The following HCN1 variants were observed in gnomAD, a reference collection of about 807,000 sequenced individuals.
HCN1 encodes the protein potassium/sodium hyperpolarization-activated cyclic nucleotide-gated channel 1.
Under a neutral mutation model 78.9 loss-of-function variants are expected in HCN1, and 13 were observed. The observed-to-expected ratio is 0.16, with a 90% CI of 0.11 to 0.26. The LOEUF is 0.26. Among genes scored for constraint, HCN1 ranks in the 10% least tolerant of loss-of-function variants. The pLI is 1.00. For missense variants in HCN1, 810 were observed against 1,154.3 expected (o/e 0.70, Z 4.32); for synonymous variants, 552 against 455.5 (o/e 1.21, Z -2.70).
intron 2 of HCN1, 65 bp downstream of exon 2, chr5:45,645,120 T>A: frequency 2.4e-6 from 3 of 1,232,178 alleles, no homozygotes; most frequent in South Asian, 2.5e-5. Context: ...CAGTTGTTCA[T>A]TGTAAAACAG....
At chr5:45,659,629 A>C (rs1580027963) in intron 1 of HCN1, among the ~76,000 whole-genome samples, 1 of 145,536 alleles carries the variant, frequency 6.9e-6, no homozygotes. Context: ...GGAGCTGAAA[A>C]CCAAGGCTCG....
In HCN1 at chr5:45,579,643, C is replaced by T. The variant is rs1744018206; in HGVS notation, c.849+65542G>A. On this transcript the variant is annotated intron_variant, in intron 2 of 7. Transcript: ENST00000303230. ...ATTGGGTTTTTAATTGTTAACATTT[C>T]AATCTAAGGTTTAGATATTAGATAC... Among the ~76,000 whole-genome samples, 4 of 152,030 alleles carry T rather than the reference C, an allele frequency of 2.6e-5. No individual in the cohort carries two copies. The South Asian group carries it at 8.3e-4, about 32-fold the overall frequency.
chr5:45,383,567 C>A (rs191251864), intron 4 of HCN1, among the ~76,000 whole-genome samples: 2 of 151,986 alleles, frequency 1.3e-5, no homozygotes, highest in African/African-American at 4.8e-5. Flanking sequence ...TGGTGGCACA[C>A]GCCTGTAGTC....
rs193062085 is a variant in HCN1, at chr5:45,312,701, G to A, written c.1378-8862C>T. Among the ~76,000 whole-genome samples, 8 of 152,282 alleles carry A rather than the reference G, an allele frequency of 5.3e-5. No homozygotes were observed. The East Asian group carries it at 5.8e-4, about 11-fold the overall frequency. On this transcript the variant is annotated intron_variant, in intron 5 of 7. Transcript: ENST00000303230. ...CACTTTTCCAATGGTCTTAGCAAAC[G>A]GCACACCAGGAGATTATATCCCGCA...
chr5:45,585,470 C>A (rs1180428004), intron 2 of HCN1, among the ~76,000 whole-genome samples: 2 of 152,024 alleles, frequency 1.3e-5, no homozygotes, highest in South Asian at 4.1e-4. Flanking sequence ...GCCAAGGGTT[C>A]GAACTTCCTC....
chr5:45,429,482 C>A (rs894308480), intron 3 of HCN1, among the ~76,000 whole-genome samples: 4 of 151,798 alleles, frequency 2.6e-5, no homozygotes, highest in Non-Finnish European at 5.9e-5. Flanking sequence ...GAGAGCTCAT[C>A]TCTTTTGAGA....
Position 45,257,494 on chromosome 5 carries a change from T to A in HCN1, c.*4427A>T, listed in dbSNP as rs1268446576. The A allele has an allele frequency of 1.3e-5, 2 of 152,166 alleles. No individual in the cohort carries two copies. The highest frequency in any genetic ancestry group is 2.9e-5 in the Non-Finnish European group (2 of 68,036). 9.4% of individuals were successfully genotyped at this position (152,166 alleles called of 1,614,324 possible). A position where few individuals can be genotyped will look rare whatever the true frequency, so the allele number is the denominator to read the frequency against. On this transcript the variant is annotated 3_prime_UTR_variant, in exon 8 of 8. Transcript: ENST00000303230. ...GCATTATCTGTAGGTTCTTTTAAGA[T>A]CATCTTTAAATAATTTTCAAGGTGG...
intron 2 of HCN1, among the ~76,000 whole-genome samples, chr5:45,480,871 T>C (rs1741636276): frequency 1.3e-5 from 2 of 152,164 alleles, no homozygotes; most frequent in Non-Finnish European, 2.9e-5. Flanking sequence ...AATTAGAAAG[T>C]GTGTAAATAG....
chr5:45,649,251 T>C lies in HCN1; in HGVS notation c.426-3643A>G, dbSNP rs141436584. ...GTGAGTGTGTGTTTTATTTTTGTTT[T>C]AGTAGACTTTATTTTTAGAGTAGTT... On this transcript the variant is annotated intron_variant, in intron 1 of 7. Coordinates refer to ENST00000303230, the MANE Select transcript of HCN1 (RefSeq NM_021072.4). 2.0e-3 allele frequency among the ~76,000 whole-genome samples: 312 copies of C among 152,196 alleles called. 2 individuals carry two copies. The highest frequency in any genetic ancestry group is 7.2e-3 in the African/African-American group (299 of 41,548).
At chr5:45,423,486 T>C (rs1740269727) in intron 3 of HCN1, among the ~76,000 whole-genome samples, 1 of 152,216 alleles carries the variant, frequency 6.6e-6, no homozygotes, top group Non-Finnish European at 1.5e-5. Context: ...ACTTAGACTT[T>C]CCTGCATCAG....
At chr5:45,319,317 G>A (rs1746072942) in intron 5 of HCN1, among the ~76,000 whole-genome samples, 1 of 151,856 alleles carries the variant, frequency 6.6e-6, no homozygotes, top group Non-Finnish European at 1.5e-5. Context: ...TCCATCAACA[G>A]GTGATGTTTC....
rs184563043 is a variant in HCN1 at position 45,269,797 on chromosome 5, C to T, written c.1619-2544G>A. Reference sequence around the variant, plus strand: ...ATACCTACCATCAGCATAAGTCACCCGCTTTCTGTTCTGTCTTCTGTGGTC... The same window carrying T: ...ATACCTACCATCAGCATAAGTCACCTGCTTTCTGTTCTGTCTTCTGTGGTC... On this transcript the variant is annotated intron_variant, in intron 6 of 7. Coordinates refer to ENST00000303230, the MANE Select transcript of HCN1 (RefSeq NM_021072.4). 7.2e-4 allele frequency among the ~76,000 whole-genome samples: 109 copies of T among 152,232 alleles called. 1 individual carries two copies. The East Asian group carries it at 0.019, about 26-fold the overall frequency.
At chr5:45,457,920 G>A (rs1364051548) in intron 3 of HCN1, among the ~76,000 whole-genome samples, 4 of 152,148 alleles carry the variant, frequency 2.6e-5, no homozygotes, top group Admixed American at 6.6e-5. Context: ...CACTTCTGCA[G>A]TGGGGATTAG....
intron 3 of HCN1, among the ~76,000 whole-genome samples, chr5:45,447,013 A>G (rs896355843): frequency 1.3e-5 from 2 of 152,162 alleles, no homozygotes; most frequent in Non-Finnish European, 2.9e-5. Flanking sequence ...CATCATAATG[A>G]CAGGATCAAA....
intron 3 of HCN1, among the ~76,000 whole-genome samples, chr5:45,458,906 C>A (rs1741085598): frequency 6.6e-6 from 1 of 152,044 alleles, no homozygotes; most frequent in African/African-American, 2.4e-5. Flanking sequence ...CTTTTGTTCT[C>A]ATATTGGATT....
At chr5:45,275,014 G>C (rs1038455720) in intron 6 of HCN1, among the ~76,000 whole-genome samples, 1 of 152,190 alleles carries the variant, frequency 6.6e-6, no homozygotes, top group Admixed American at 6.5e-5. Context: ...GGGAGGCCGA[G>C]GGGGGCAGAT....
In HCN1 at chr5:45,663,136, C is replaced by A. The variant is rs1032222016; in HGVS notation, c.426-17528G>T. ...ATAGATGAATGGAACAGAACAGAGC[C>A]CTCAGAAATAATGCCGCATATCTAC... On this transcript the variant is annotated intron_variant, in intron 1 of 7. Coordinates refer to ENST00000303230, the MANE Select transcript of HCN1 (RefSeq NM_021072.4). 2.5e-4 allele frequency among the ~76,000 whole-genome samples: 37 copies of A among 145,604 alleles called. 1 individual carries two copies. The highest frequency in any genetic ancestry group is 9.2e-4 in the African/African-American group (36 of 39,168).
At chr5:45,649,098 C>T (rs1338622525) in intron 1 of HCN1, among the ~76,000 whole-genome samples, 1 of 151,948 alleles carries the variant, frequency 6.6e-6, no homozygotes, top group Admixed American at 6.6e-5. Context: ...CCTGGGTACA[C>T]ATACAGGAGA....
chr5:45,627,104 C>A (rs1429522750), intron 2 of HCN1, among the ~76,000 whole-genome samples: 5 of 151,978 alleles, frequency 3.3e-5, no homozygotes, highest in African/African-American at 1.2e-4. Context: ...AGGGCTGATG[C>A]CAAATAAGAT....
Sources: gnomAD v4.1 joint callset for allele counts (sites outside exome capture counted in the v4.1 genomes callset) on GRCh38, gnomAD v4.1.1 for gene constraint, MANE v1.5 for transcripts, NCBI Gene and HGNC (gene_info 2026-07-23, HGNC 2026-07-21) for gene names.